Variants in PFKFB3 observed in about 807,000 individuals in gnomAD.
PFKFB3 encodes the protein 6-phosphofructo-2-kinase/fructose-2,6-biphosphatase 3.
Under a neutral mutation model 68.0 loss-of-function variants are expected in PFKFB3, and 33 were observed. The ratio of observed to expected loss-of-function variants is 0.49; its 90% confidence interval spans 0.37 to 0.65. The LOEUF (loss-of-function observed/expected upper bound fraction) is 0.65. Among genes scored for constraint, PFKFB3 ranks in the 30% least tolerant of loss-of-function variants. The pLI is 0.00. For missense variants in PFKFB3, 586 were observed against 712.2 expected (o/e 0.82, Z 2.02); for synonymous variants, 315 against 288.2 (o/e 1.09, Z -0.94).
At chr10:6,213,265 A>G (rs1180016366) in intron 1 of PFKFB3, among the ~76,000 whole-genome samples, 2 of 152,106 alleles carry the variant, frequency 1.3e-5, no homozygotes, top group Non-Finnish European at 2.9e-5. Context: ...TGGGTGTGGT[A>G]GCTATGCCTG....
the PFKFB3 span, among the ~76,000 whole-genome samples, chr10:6,309,151 A>G: frequency 6.6e-6 from 1 of 151,998 alleles, no homozygotes; most frequent in African/African-American, 2.4e-5. Flanking sequence ...ATTGTAAAAA[A>G]TGAAAACCTA....
chr10:6,322,211 C>T, the PFKFB3 span, among the ~76,000 whole-genome samples: 2 of 152,200 alleles, frequency 1.3e-5, no homozygotes, highest in Non-Finnish European at 2.9e-5. Context: ...ACCTTGTCAC[C>T]GTCTACCCCC....
downstream of PFKFB3, among the ~76,000 whole-genome samples, chr10:6,255,541 A>G (rs1219593310): frequency 6.6e-6 from 1 of 152,248 alleles, no homozygotes; most frequent in Non-Finnish European, 1.5e-5. Flanking sequence ...GGGTACTTCA[A>G]CGGGTGTGTC....
intron 14 of PFKFB3, among the ~76,000 whole-genome samples, chr10:6,241,536 T>G (rs867702077): frequency 3.0e-4 from 46 of 152,152 alleles, no homozygotes; most frequent in African/African-American, 9.9e-4. Context: ...GGCCATGTGT[T>G]AAAACCATCA....
chr10:6,277,698 TC>T, the PFKFB3 span: 1 of 370,114 alleles, frequency 2.7e-6, no homozygotes, highest in Non-Finnish European at 5.4e-6. Flanking sequence ...ATTGTAAGTT[TC>T]CTGAGGCCTC....
chr10:6,315,587 C>T, the PFKFB3 span, among the ~76,000 whole-genome samples: 33 of 152,198 alleles, frequency 2.2e-4, no homozygotes, highest in African/African-American at 7.9e-4. Context: ...GGGTTCAAGC[C>T]ATTCTTCTGC....
the PFKFB3 span, among the ~76,000 whole-genome samples, chr10:6,288,189 CTTTCT>C: frequency 7.0e-6 from 1 of 143,280 alleles, no homozygotes; most frequent in African/African-American, 2.6e-5. Context: ...CGTCTGGCTT[CTTTCT>C]TTTTTTTTTT....
intron 14 of PFKFB3, among the ~76,000 whole-genome samples, chr10:6,252,390 A>G (rs1341925): frequency 0.97 from 148,151 of 152,314 alleles, 72,192 homozygotes; most frequent in East Asian, 1. Context: ...GGATAATTAA[A>G]CATGTAAGTG....
chr10:6,221,869 T>G (rs1588516636), intron 10 of PFKFB3, 124 bp downstream of exon 10: 2 of 645,852 alleles, frequency 3.1e-6, no homozygotes. Flanking sequence ...ACCCTCCACC[T>G]TGGAACTGAG....
At chr10:6,231,030 C>G (rs915079500) in intron 14 of PFKFB3, among the ~76,000 whole-genome samples, 1 of 152,082 alleles carries the variant, frequency 6.6e-6, no homozygotes, top group African/African-American at 2.4e-5. Context: ...GTCTTCACCC[C>G]TGTGATCTTG....
chr10:6,291,334 G>A, the PFKFB3 span, among the ~76,000 whole-genome samples: 2 of 152,158 alleles, frequency 1.3e-5, no homozygotes, highest in Non-Finnish European at 2.9e-5. Flanking sequence ...GGGAGGCCAA[G>A]GTGGGCGGAT....
chr10:6,314,944 T>C, the PFKFB3 span, among the ~76,000 whole-genome samples: 1 of 152,166 alleles, frequency 6.6e-6, no homozygotes, highest in African/African-American at 2.4e-5. Context: ...CAAAGGGGCA[T>C]GGCCTTGAAT....
the PFKFB3 span, among the ~76,000 whole-genome samples, chr10:6,274,947 A>G: frequency 6.6e-6 from 1 of 152,114 alleles, no homozygotes; most frequent in Non-Finnish European, 1.5e-5. Flanking sequence ...GCCTATCTTC[A>G]TAATGAAAAT....
chr10:6,187,043 T>C lies in PFKFB3; in HGVS notation c.17-26580T>C, dbSNP rs187605486. Among the ~76,000 whole-genome samples the C allele has an allele frequency of 1.1e-3, 162 of 151,992 alleles. No individual in the cohort carries two copies. In the East Asian group the frequency reaches 0.019, roughly 18 times the overall value. The stretch of plus-strand genomic sequence containing the variant: ...GGGAGACCAATGTGGAAGTGCGGTG[T>C]GGGCTTCTGAAAAGTTGTCTCGAAA... On this transcript the variant is annotated intron_variant, in intron 1 of 14. Transcript: ENST00000379789.
At chr10:6,237,622 G>T (rs1369982609), downstream of PFKFB3, among the ~76,000 whole-genome samples, 2 of 152,198 alleles carry the variant, frequency 1.3e-5, no homozygotes, top group Non-Finnish European at 2.9e-5. Context: ...AGGCTGGAGT[G>T]CAGAGGTGTG....
At chr10:6,268,075 G>A in the PFKFB3 span, among the ~76,000 whole-genome samples, 100 of 151,398 alleles carry the variant, frequency 6.6e-4, 5 homozygotes, top group Non-Finnish European at 1.6e-4. Flanking sequence ...TCTCATGTCC[G>A]CTGCTTTTCA....
chr10:6,183,281 A>G (rs1359803105), intron 1 of PFKFB3, among the ~76,000 whole-genome samples: 1 of 152,204 alleles, frequency 6.6e-6, no homozygotes, highest in Admixed American at 6.5e-5. Context: ...CACCACGCCA[A>G]CTTTGGGGTT....
At chr10:6,266,444 G>T in the PFKFB3 span, among the ~76,000 whole-genome samples, 1 of 152,088 alleles carries the variant, frequency 6.6e-6, no homozygotes. Context: ...CTCTAAGACT[G>T]TCGATGTCTC....
Position 6,224,195 on chromosome 10 carries a change from A to G in PFKFB3, c.1323A>G (p.Thr441=), listed in dbSNP as rs1845165847. The stretch of plus-strand genomic sequence containing the variant: ...ACCTGAACGTGGAGTCCGTCTGCAC[A>G]CACCGGGAGAGGTCAGAGGTGAGTG... ...SIYLNVESVC[T]HRERSEDAKK... is the part of the protein sequence containing the mutation. Residue 441 remains threonine, a synonymous_variant, in exon 13 of 15, where the codon ACA becomes ACG. Transcript: ENST00000379775. The G allele has an allele frequency of 6.2e-7, 1 of 1,614,070 alleles. No homozygotes were observed. The highest frequency in any genetic ancestry group is 8.5e-7 in the Non-Finnish European group (1 of 1,180,006).
Sources: gnomAD v4.1 joint callset for allele counts (sites outside exome capture counted in the v4.1 genomes callset) on GRCh38, gnomAD v4.1.1 for gene constraint, MANE v1.5 for transcripts, NCBI Gene and HGNC (gene_info 2026-07-23, HGNC 2026-07-21) for gene names.